Variants in SOAT1 observed in about 807,000 individuals in gnomAD.
SOAT1 encodes the protein sterol O-acyltransferase 1.
Under a neutral mutation model 69.5 loss-of-function variants are expected in SOAT1, and 55 were observed. The ratio of observed to expected loss-of-function variants is 0.79; its 90% CI spans 0.64 to 0.99. SOAT1 has a LOEUF of 0.99. Among genes scored for constraint, SOAT1 ranks in the 50% least tolerant of loss-of-function variants. The probability of loss-of-function intolerance (pLI) is 0.00; values close to 1 mark genes in which losing one functional copy is unlikely to be tolerated. For synonymous variants in SOAT1, 231 were observed against 224.7 expected, an observed-to-expected ratio of 1.03 and a Z score of -0.25; for missense variants, 580 against 669.3, an observed-to-expected ratio of 0.87 and a Z score of 1.47.
intron 6 of SOAT1, among the ~76,000 whole-genome samples, chr1:179,340,341 G>T (rs887858167): frequency 2.6e-5 from 4 of 152,086 alleles, no homozygotes; most frequent in Non-Finnish European, 5.9e-5. Flanking sequence ...AATTAGCTGG[G>T]CGTGGTGGCA....
intron 3 of SOAT1, among the ~76,000 whole-genome samples, chr1:179,326,210 C>T (rs577716100): frequency 1.4e-4 from 22 of 152,270 alleles, no homozygotes; most frequent in African/African-American, 4.6e-4. Context: ...CTTTTATGCC[C>T]TCCTTCATGT....
intron 4 of SOAT1, among the ~76,000 whole-genome samples, chr1:179,337,013 T>C (rs1163977188): frequency 1.3e-5 from 2 of 151,424 alleles, no homozygotes; most frequent in Non-Finnish European, 2.9e-5. Context: ...AAAAATCATA[T>C]CATTACGTGC....
intron 2 of SOAT1, among the ~76,000 whole-genome samples, chr1:179,313,378 T>C (rs182550643): frequency 4.0e-4 from 58 of 145,244 alleles, no homozygotes; most frequent in African/African-American, 1.4e-3. Flanking sequence ...CTAGTCTGGA[T>C]TGAGAAACAC....
chr1:179,306,290 T>C (rs1416566690), intron 2 of SOAT1, among the ~76,000 whole-genome samples: 1 of 152,118 alleles, frequency 6.6e-6, no homozygotes, highest in Non-Finnish European at 1.5e-5. Flanking sequence ...CTGGGGACCC[T>C]CCAGTGGGCC....
intron 11 of SOAT1, 26 bp from the exon 12 acceptor site, chr1:179,347,572 CTG>C: frequency 5.3e-6 from 7 of 1,323,924 alleles, no homozygotes; most frequent in Non-Finnish European, 6.5e-6. Flanking sequence ...TTTGGAAAGA[CTG>C]TTAATATTGT....
chr1:179,330,385 G>A (rs1665931001), intron 3 of SOAT1, among the ~76,000 whole-genome samples: 1 of 152,164 alleles, frequency 6.6e-6, no homozygotes, highest in Non-Finnish European at 1.5e-5. Flanking sequence ...TAATAGTGAT[G>A]TTCTCCATAG....
At chr1:179,314,534 C>T (rs1176518058) in intron 2 of SOAT1, among the ~76,000 whole-genome samples, 2 of 152,128 alleles carry the variant, frequency 1.3e-5, no homozygotes, top group Non-Finnish European at 2.9e-5. Flanking sequence ...TAGTATGGTA[C>T]AACAATGGAT....
intron 1 of SOAT1, among the ~76,000 whole-genome samples, chr1:179,297,417 A>G (rs1004185036): frequency 3.3e-5 from 5 of 151,882 alleles, no homozygotes; most frequent in Admixed American, 6.6e-5. Flanking sequence ...GCTCACTGCA[A>G]CCTCCGCCTC....
chr1:179,314,170 C>A (rs531657155), intron 2 of SOAT1, among the ~76,000 whole-genome samples: 2 of 152,182 alleles, frequency 1.3e-5, no homozygotes, highest in African/African-American at 4.8e-5. Context: ...AAGCCTCCTA[C>A]ACCCCTCATT....
chr1:179,340,295 G>A (rs747383820), intron 6 of SOAT1, among the ~76,000 whole-genome samples: 2 of 152,122 alleles, frequency 1.3e-5, no homozygotes, highest in Non-Finnish European at 2.9e-5. Flanking sequence ...AGGAGTTGGA[G>A]ACCAGCCTGG....
At chr1:179,342,321 CTT>C (rs1421478844) in intron 8 of SOAT1, 129 bp downstream of exon 8, 1 of 559,360 alleles carries the variant, frequency 1.8e-6, no homozygotes, top group Non-Finnish European at 3.1e-6. Flanking sequence ...TTCTCTTTCT[CTT>C]TCTCTCTCTC....
At chr1:179,294,106 G>A (rs1418654837) in intron 1 of SOAT1, among the ~76,000 whole-genome samples, 170 bp downstream of exon 1, 1 of 152,178 alleles carries the variant, frequency 6.6e-6, no homozygotes, top group Non-Finnish European at 1.5e-5. Context: ...GGAGGGGAGG[G>A]CGGGAAAGTT....
chr1:179,351,021 CTTTTTTTTTTTTTTTTTTTT>C lies in SOAT1; in HGVS notation c.1451-276_1451-257del, dbSNP rs201449849. Among the ~76,000 whole-genome samples the C allele has an allele frequency of 9.4e-5, 12 of 127,592 alleles. 1 individual carries two copies. The East Asian group carries it at 1.9e-3, about 20-fold the overall frequency. The allele number at this position is 127,592 out of a possible 152,430, so 83.7% of individuals were successfully genotyped here. The stretch of plus-strand genomic sequence containing the variant: ...TGTTTTGATACCTGTATATTTCTTT[CTTTTTTTTTTTTTTTTTTTT>C]TTTTTTTTTTTTTTTTTTTGAGACA... On this transcript the variant is annotated intron_variant, in intron 14 of 15. Transcript: ENST00000367619.
chr1:179,302,765 A>G lies in SOAT1; in HGVS notation c.81A>G (p.Arg27=), dbSNP rs1286037948. The G allele has an allele frequency of 6.2e-7, 1 of 1,606,386 alleles. No individual in the cohort carries two copies. The highest frequency in any genetic ancestry group is 1.3e-5 in the African/African-American group (1 of 74,216). ...ATCCTGAGGAAGATGAAGACCAGAG[A>G]AACCCTGCAAAGGAGTCCCTAGAGA... ...RENPEEDEDQ[R]NPAKESLETP... Residue 27 remains arginine, a synonymous_variant, in exon 2 of 16, where the codon AGA becomes AGG. Transcript: ENST00000367619.
At chr1:179,345,940 G>A (rs1666519782) in intron 11 of SOAT1, among the ~76,000 whole-genome samples, 1 of 152,058 alleles carries the variant, frequency 6.6e-6, no homozygotes. Context: ...CTATTATAGA[G>A]ATATATGAGT....
chr1:179,342,838 C>A, intron 8 of SOAT1, 24 bp from the exon 9 acceptor site: 1 of 1,575,804 alleles, frequency 6.3e-7, no homozygotes, highest in South Asian at 1.1e-5. Flanking sequence ...AGCCTTTGCT[C>A]TAACTATAGT....
chr1:179,303,692 C>T (rs1046044551), intron 2 of SOAT1, among the ~76,000 whole-genome samples: 1 of 152,028 alleles, frequency 6.6e-6, no homozygotes, highest in South Asian at 2.1e-4. Context: ...TATTGATAGG[C>T]TCTTAGTTAG....
In SOAT1 at chr1:179,334,067, G is replaced by A. The variant is rs142222543; in HGVS notation, c.178-1439G>A. Among the ~76,000 whole-genome samples, 35 of 152,272 alleles carry A rather than the reference G, an allele frequency of 2.3e-4. No homozygotes were observed. The East Asian group carries it at 6.4e-3, about 28-fold the overall frequency. On this transcript the variant is annotated intron_variant, in intron 3 of 15. Coordinates refer to ENST00000367619, the MANE Select transcript of SOAT1 (RefSeq NM_003101.6). ...TCTATTCTTGAGCCCCTTCATAGTC[G>A]CTGTGATTGTCAACTAAAGAAAAGC...
intron 8 of SOAT1, 57 bp from the exon 9 acceptor site, chr1:179,342,805 A>G (rs1666386075): frequency 1.6e-6 from 2 of 1,252,190 alleles, no homozygotes; most frequent in East Asian, 2.3e-5. Context: ...TCCCCCCTGT[A>G]TTTTTGCTGT....
Sources: gnomAD v4.1 joint callset for allele counts (sites outside exome capture counted in the v4.1 genomes callset) on GRCh38, gnomAD v4.1.1 for gene constraint, MANE v1.5 for transcripts, NCBI Gene and HGNC (gene_info 2026-07-23, HGNC 2026-07-21) for gene names.